GPC4: variants seen among roughly 807,000 people sequenced by gnomAD.
The protein encoded by GPC4 is glypican-4.
A neutral mutation model predicts 35.0 loss-of-function variants in GPC4; 10 were observed. That is an observed-to-expected ratio of 0.29 (90% CI 0.18 to 0.48). GPC4 has a LOEUF of 0.48. Ranked by LOEUF, GPC4 falls within the 20% of genes least tolerant of loss-of-function variation. GPC4 has a pLI of 0.99. For synonymous variants in GPC4, 167 were observed against 170.2 expected (o/e 0.98, Z 0.15); for missense variants, 322 against 451.3 (o/e 0.71, Z 2.60).
chrX:133,379,916 G>A (rs1022651846), intron 1 of GPC4, among the ~76,000 whole-genome samples: 1 of 111,528 alleles, frequency 9.0e-6, no homozygotes, highest in African/African-American at 3.3e-5. Context: ...AACAATAACA[G>A]AATAACATGA....
chrX:133,327,753 A>G (rs1240619635), intron 2 of GPC4, among the ~76,000 whole-genome samples: 2 of 109,476 alleles, frequency 1.8e-5, no homozygotes, highest in East Asian at 5.8e-4. Context: ...AATTCATTTC[A>G]TCATTCAGAA....
intron 1 of GPC4, among the ~76,000 whole-genome samples, chrX:133,412,931 T>C (rs1449000122): frequency 3.6e-5 from 4 of 112,519 alleles, no homozygotes; most frequent in Non-Finnish European, 7.5e-5. Context: ...AGGCACATAT[T>C]GTTTGCATGA....
rs1489169767 is a variant in GPC4 at position 133,407,608 on chromosome X, G to A, written c.160+7198C>T. Among the ~76,000 whole-genome samples, 3 of 111,257 alleles carry A rather than the reference G, an allele frequency of 2.7e-5. No individual in the cohort carries two copies. In the Admixed American group the frequency reaches 2.9e-4, roughly 11 times the overall value. ...ATATTGCTTCTCCCTAGATAGGTTG[G>A]ACTCAACCCACCCTTTTCACCATTA... On this transcript the variant is annotated intron_variant, in intron 1 of 8. Coordinates refer to ENST00000370828, the MANE Select transcript of GPC4 (RefSeq NM_001448.3).
chrX:133,339,454 A>T, intron 1 of GPC4, 113 bp from the exon 2 acceptor site: 1 of 578,611 alleles, frequency 1.7e-6, no homozygotes, highest in Non-Finnish European at 2.6e-6. Context: ...AGGCCCAGGC[A>T]ACATGTGTAT....
intron 1 of GPC4, among the ~76,000 whole-genome samples, chrX:133,364,224 G>T (rs1339375828): frequency 8.9e-6 from 1 of 111,733 alleles, no homozygotes; most frequent in East Asian, 2.8e-4. Flanking sequence ...AAAATCTCAA[G>T]AATTTCCAAA....
chrX:133,360,789 G>T (rs2068564050), intron 1 of GPC4, among the ~76,000 whole-genome samples: 1 of 111,700 alleles, frequency 9.0e-6, no homozygotes, highest in Admixed American at 9.5e-5. Flanking sequence ...CAGCAGAACA[G>T]TCTGGGGCCA....
chrX:133,309,559 T>C (rs1212497347), intron 4 of GPC4, among the ~76,000 whole-genome samples: 3 of 113,022 alleles, frequency 2.7e-5, no homozygotes, highest in Non-Finnish European at 5.6e-5. Context: ...CATGCCCTTC[T>C]GCATTCCATT....
intron 2 of GPC4, 86 bp downstream of exon 2, chrX:133,339,097 T>G (rs2068455674): frequency 1.0e-6 from 1 of 957,550 alleles, no homozygotes; most frequent in African/African-American, 1.9e-5. Flanking sequence ...GGGAGAAAAC[T>G]TAAGCACTGA....
At chrX:133,325,411 T>C (rs1377814291) in intron 2 of GPC4, among the ~76,000 whole-genome samples, 2 of 85,011 alleles carry the variant, frequency 2.4e-5, no homozygotes, top group Non-Finnish European at 4.5e-5. Flanking sequence ...TTATTTCAGA[T>C]TTACTTTTTG....
chrX:133,303,404 TC>T, intron 7 of GPC4, 63 bp from the exon 8 acceptor site: 1 of 980,704 alleles, frequency 1.0e-6, no homozygotes, highest in South Asian at 2.2e-5. Context: ...TCTGTCTGCC[TC>T]CCAAAGTGCT....
chrX:133,401,826 AT>A (rs1302104336), intron 1 of GPC4, among the ~76,000 whole-genome samples: 2 of 111,650 alleles, frequency 1.8e-5, no homozygotes, highest in Non-Finnish European at 3.8e-5. Flanking sequence ...AAGTGAACTC[AT>A]TTCACTACTC....
At chrX:133,344,225 T>C (rs865874533) in intron 1 of GPC4, among the ~76,000 whole-genome samples, 1 of 21,278 alleles carries the variant, frequency 4.7e-5, no homozygotes, top group African/African-American at 4.8e-4. Flanking sequence ...TTTTTTTTTT[T>C]TTTTTTTTTT....
At chrX:133,303,756 A>G (rs2068278401) in intron 7 of GPC4, among the ~76,000 whole-genome samples, 1 of 110,687 alleles carries the variant, frequency 9.0e-6, no homozygotes, top group African/African-American at 3.3e-5. Context: ...GGAAGCTGAC[A>G]CAGGAGAATC....
chrX:133,363,205 G>C (rs370028733), intron 1 of GPC4, among the ~76,000 whole-genome samples: 4 of 110,622 alleles, frequency 3.6e-5, no homozygotes, highest in Admixed American at 2.9e-4. Context: ...CTTTTGTTTT[G>C]TTTTGTTTTT....
intron 1 of GPC4, among the ~76,000 whole-genome samples, chrX:133,401,737 G>A (rs1195816688): frequency 8.9e-6 from 1 of 111,828 alleles, no homozygotes; most frequent in Non-Finnish European, 1.9e-5. Flanking sequence ...AGAAAAGTTA[G>A]TTCCAAACTG....
intron 6 of GPC4, 56 bp from the exon 7 acceptor site, chrX:133,304,917 C>T (rs1287965546): frequency 4.4e-6 from 5 of 1,125,098 alleles, no homozygotes; most frequent in Non-Finnish European, 6.1e-6. Flanking sequence ...GACAAAACTA[C>T]CTACAAGTGT....
chrX:133,337,028 A>G (rs1477647016), intron 2 of GPC4, among the ~76,000 whole-genome samples: 1 of 111,131 alleles, frequency 9.0e-6, no homozygotes, highest in Admixed American at 9.6e-5. Flanking sequence ...CACATTGCTC[A>G]GGCTGGTCTC....
intron 4 of GPC4, among the ~76,000 whole-genome samples, chrX:133,308,303 G>A (rs1466463939): frequency 8.9e-6 from 1 of 111,884 alleles, no homozygotes; most frequent in Non-Finnish European, 1.9e-5. Flanking sequence ...GTCCCCGCCA[G>A]CAATCCCAAT....
intron 3 of GPC4, among the ~76,000 whole-genome samples, chrX:133,311,933 A>G (rs1569341627): frequency 9.0e-6 from 1 of 111,441 alleles, no homozygotes; most frequent in Non-Finnish European, 1.9e-5. Flanking sequence ...ACCCCAAATT[A>G]AGGTTTAGAA....
Sources: allele counts gnomAD v4.1 joint callset (sites outside exome capture counted in the v4.1 genomes callset), GRCh38; gene constraint gnomAD v4.1.1; transcripts MANE v1.5; gene names NCBI Gene and HGNC (gene_info 2026-07-23, HGNC 2026-07-21).